Variants in DCAF15 observed in about 807,000 individuals in gnomAD.
The protein encoded by DCAF15 is DDB1- and CUL4-associated factor 15.
In DCAF15, 24 loss-of-function variants were observed where a neutral mutation model predicts 68.0. The ratio of observed to expected loss-of-function variants is 0.35; its 90% CI spans 0.26 to 0.50. The LOEUF (loss-of-function observed/expected upper bound fraction) is 0.50. Among genes scored for constraint, DCAF15 ranks in the 20% least tolerant of loss-of-function variants. DCAF15 has a pLI of 0.98. For synonymous variants in DCAF15, 376 were observed against 341.6 expected, an observed-to-expected ratio of 1.10 and a Z score of -1.11; for missense variants, 627 against 830.6, an observed-to-expected ratio of 0.75 and a Z score of 3.01.
At chr19:13,953,239 C>G in intron 1 of DCAF15, 1 of 1,159,646 alleles carries the variant, frequency 8.6e-7, no homozygotes, top group Non-Finnish European at 1.2e-6. Flanking sequence ...ACTCCCAGAG[C>G]TGGGGGATGA....
Position 13,957,483 on chromosome 19 carries a change from G to A in DCAF15, c.784+961G>A, listed in dbSNP as rs138350616. Among the ~76,000 whole-genome samples, 463 of 152,294 alleles carry A rather than the reference G, an allele frequency of 3.0e-3. 2 individuals carry two copies. The highest frequency in any genetic ancestry group is 0.017 in the Middle Eastern group (5 of 294). ...ATTGGGGAGCGACTTAGGAGGTGGC[G>A]AGGGGTTGGGGGCATCTGTGGAACA... On this transcript the variant is annotated intron_variant, in intron 6 of 12. Transcript: ENST00000254337.
intron 6 of DCAF15, among the ~76,000 whole-genome samples, chr19:13,957,210 G>T (rs368672366): frequency 6.6e-6 from 1 of 152,178 alleles, no homozygotes; most frequent in Non-Finnish European, 1.5e-5. Flanking sequence ...GTTTGATATC[G>T]GAAAGATGCC....
chr19:13,953,539 C>T lies in DCAF15; in HGVS notation c.133-801C>T, dbSNP rs552834572. 2.1e-4 allele frequency: 37 copies of T among 175,268 alleles called. No individual in the cohort carries two copies. In the Middle Eastern group the frequency reaches 8.0e-3, roughly 38 times the overall value. 10.9% of individuals were successfully genotyped at this position (175,268 alleles called of 1,614,324 possible). On this transcript the variant is annotated intron_variant, in intron 1 of 12. Transcript: ENST00000254337. ...CTGTGTCTCCCCTGTCGGCCTGGGC[C>T]TGGCTGGCCAGGCTGTTTCCTCCGT...
rs1323280856 is a variant in DCAF15 at position 13,961,023 on chromosome 19, C to T, written c.*28C>T. ...GCCAGGCCGCCCCGGACACTGACTC[C>T]AACTACCTCCGTGGCCTGGGACCGG... On this transcript the variant is annotated 3_prime_UTR_variant, in exon 13 of 13. Coordinates refer to ENST00000254337, the MANE Select transcript of DCAF15 (RefSeq NM_138353.4). 7 of 1,612,930 alleles carry T rather than the reference C, an allele frequency of 4.3e-6. No individual in the cohort carries two copies. The highest frequency in any genetic ancestry group is 1.3e-5 in the African/African-American group (1 of 74,932).
At chr19:13,952,692 G>T in intron 1 of DCAF15, 48 bp downstream of exon 1, 1 of 1,299,254 alleles carries the variant, frequency 7.7e-7, no homozygotes. Flanking sequence ...GTGGGGAGTA[G>T]GGACGAGGGA....
At position 13,954,620 on chromosome 19, in the gene DCAF15, C is replaced by T; in HGVS notation, c.325C>T (p.Leu109=). The part of the protein sequence containing the change: ...DDDFSFYIYH[L]YWWEFNVHSK... Reference sequence around the variant, plus strand: ...CGACTTCTCCTTCTACATCTACCATCTGTACTGGTGGGAGTTCAACGTTCA... The same window carrying T: ...CGACTTCTCCTTCTACATCTACCATTTGTACTGGTGGGAGTTCAACGTTCA... The change falls in exon 3 of 13, where the codon CTG becomes TTG. Residue 109 remains leucine (L), a synonymous_variant. Coordinates refer to ENST00000254337, the MANE Select transcript of DCAF15 (RefSeq NM_138353.4). 1 of 1,614,236 alleles carries T rather than the reference C, an allele frequency of 6.2e-7. No homozygotes were observed. Among genetic ancestry groups the T allele is most frequent in the Non-Finnish European group, 8.5e-7 (1 of 1,180,056 alleles).
At chr19:13,956,886 G>T (rs140883146) in intron 6 of DCAF15, among the ~76,000 whole-genome samples, 2 of 152,354 alleles carry the variant, frequency 1.3e-5, no homozygotes, top group African/African-American at 4.8e-5. Flanking sequence ...CTCCCGAGAA[G>T]CTGGGACTAC....
chr19:13,953,679 G>C (rs905714152), intron 1 of DCAF15, among the ~76,000 whole-genome samples: 1 of 152,242 alleles, frequency 6.6e-6, no homozygotes, highest in Non-Finnish European at 1.5e-5. Flanking sequence ...TAGCAAGACT[G>C]AGGCTGTTCG....
chr19:13,953,129 C>T, intron 1 of DCAF15: 1 of 1,548,974 alleles, frequency 6.5e-7, no homozygotes, highest in Non-Finnish European at 8.7e-7. Context: ...CTGGGTGGGC[C>T]TCCCCATTGA....
intron 6 of DCAF15, 127 bp from the exon 7 acceptor site, chr19:13,958,918 C>G: frequency 8.3e-7 from 1 of 1,200,652 alleles, no homozygotes; most frequent in Non-Finnish European, 1.2e-6. Flanking sequence ...GTGTTTCAAA[C>G]TGATCTCAGC....
Position 13,954,425 on chromosome 19 carries a change from TC to T in DCAF15, c.220del (p.Leu74SerfsTer67). ...VSLKNIVDEDFLYAGHIFLGF... is the reference protein window; with the variant it reads ...VSLKNIVDEDXLYAGHIFLGF... Reference sequence around the variant, plus strand: ...CTCAAGAACATTGTGGATGAGGACTTCCTCTATGCAGGGTGAGGCTGGGCCC... The same window carrying T: ...CTCAAGAACATTGTGGATGAGGACTTCTCTATGCAGGGTGAGGCTGGGCCC... On this transcript the variant is annotated frameshift_variant, in exon 2 of 13. Coordinates refer to ENST00000254337, the MANE Select transcript of DCAF15 (RefSeq NM_138353.4). LOFTEE classifies it high-confidence loss of function. 1 of 1,613,536 alleles carries T rather than the reference TC, an allele frequency of 6.2e-7. No individual in the cohort carries two copies. The highest frequency in any genetic ancestry group is 8.5e-7 in the Non-Finnish European group (1 of 1,179,792).
chr19:13,954,804 C>A, intron 3 of DCAF15, 143 bp downstream of exon 3: 2 of 951,694 alleles, frequency 2.1e-6, no homozygotes, highest in Non-Finnish European at 3.1e-6. Context: ...GTGTTAGATC[C>A]AACCATATGA....
At position 13,955,968 on chromosome 19, in the gene DCAF15, C is replaced by T. The variant is rs142490718; in HGVS notation, c.423C>T (p.Thr141=). The change falls in exon 4 of 13, where the codon ACC becomes ACT. Residue 141 remains threonine, a synonymous_variant. Transcript: ENST00000254337. ...AGATCTACAGCGACCTGTACCTGACCGTATGCGAGTGGCCCAGCGACGCCT... is the reference window on the plus strand; with the variant it reads ...AGATCTACAGCGACCTGTACCTGACTGTATGCGAGTGGCCCAGCGACGCCT... ...DEEIYSDLYL[T]VCEWPSDASK... 13 of 1,613,812 alleles carry T rather than the reference C, an allele frequency of 8.1e-6. No homozygotes were observed. Among genetic ancestry groups the T allele is most frequent in the African/African-American group, 8.0e-5 (6 of 74,938 alleles).
Position 13,961,157 on chromosome 19 carries a change from A to G in DCAF15, c.*162A>G, listed in dbSNP as rs1250264092. 3.7e-6 allele frequency: 3 copies of G among 812,400 alleles called. No individual in the cohort carries two copies. The highest frequency in any genetic ancestry group is 4.6e-5 in the Admixed American group (2 of 43,952). 50.3% of individuals were successfully genotyped at this position (812,400 alleles called of 1,614,324 possible). A position where few individuals can be genotyped will look rare whatever the true frequency, so the allele number is the denominator to read the frequency against. ...GGGCAGGGCAGCCTCTGTTGGCCTG[A>G]GGGTCTGGACGCTTTTTATTTATGC... On this transcript the variant is annotated 3_prime_UTR_variant, in exon 13 of 13. Transcript: ENST00000254337.
intron 5 of DCAF15, 41 bp downstream of exon 5, chr19:13,956,303 C>G (rs202044006): frequency 6.2e-7 from 1 of 1,611,660 alleles, no homozygotes; most frequent in Admixed American, 1.7e-5. Flanking sequence ...CCCCCCTCCC[C>G]CCCTTGCTCC....
intron 10 of DCAF15, 53 bp downstream of exon 10, chr19:13,960,122 A>T: frequency 6.2e-7 from 1 of 1,604,092 alleles, no homozygotes; most frequent in Non-Finnish European, 8.5e-7. Context: ...ACTGGCAGAC[A>T]CTTCACGGTG....
In DCAF15 at chr19:13,954,510, C is replaced by A; in HGVS notation, c.231-16C>A. Reference sequence around the variant, plus strand: ...CTCGCCCTGACCTGGCCGCTGTGCCCCCTCCACCCCCACAGACATATCTTC... The same window carrying A: ...CTCGCCCTGACCTGGCCGCTGTGCCACCTCCACCCCCACAGACATATCTTC... On this transcript the variant is annotated splice_polypyrimidine_tract_variant and intron_variant, in intron 2 of 12. Transcript: ENST00000254337. 6.2e-7 allele frequency: 1 copy of A among 1,614,094 alleles called. No homozygotes were observed. The highest frequency in any genetic ancestry group is 8.5e-7 in the Non-Finnish European group (1 of 1,179,988).
intron 3 of DCAF15, among the ~76,000 whole-genome samples, chr19:13,955,131 C>CAAAAA (rs1973301204): frequency 6.6e-6 from 1 of 151,554 alleles, no homozygotes; most frequent in African/African-American, 2.4e-5. Flanking sequence ...CAAAACAAAA[C>CAAAAA]AAATGAAGGC....
chr19:13,956,855 A>G (rs1387422156), intron 6 of DCAF15, among the ~76,000 whole-genome samples: 1 of 152,222 alleles, frequency 6.6e-6, no homozygotes, highest in Non-Finnish European at 1.5e-5. Flanking sequence ...TCCCAGGCTC[A>G]AGCAATTCTC....
Sources: allele counts gnomAD v4.1 joint callset (sites outside exome capture counted in the v4.1 genomes callset), GRCh38; gene constraint gnomAD v4.1.1; transcripts MANE v1.5; gene names NCBI Gene and HGNC (gene_info 2026-07-23, HGNC 2026-07-21).